The following BICC1 variants were observed in gnomAD, a reference collection of about 807,000 sequenced individuals.
BICC1 encodes protein bicaudal C homolog 1.
BICC1 carries 43 observed loss-of-function variants against 111.0 expected under a neutral mutation model. That is an observed-to-expected ratio of 0.39 (90% CI 0.30 to 0.50). The LOEUF is 0.50. BICC1 is among the 20% of genes least tolerant of loss of function. The pLI is 0.88. For synonymous variants in BICC1, 467 were observed against 434.4 expected (o/e 1.07, Z -0.93); for missense variants, 1,091 against 1,203.2 (o/e 0.91, Z 1.38).
At chr10:58,595,597 A>G (rs1046449832) in intron 1 of BICC1, among the ~76,000 whole-genome samples, 1 of 152,226 alleles carries the variant, frequency 6.6e-6, no homozygotes, top group Non-Finnish European at 1.5e-5. Flanking sequence ...AAACTGAACA[A>G]CTTGCTCCTA....
chr10:58,546,490 A>C (rs992309484), intron 1 of BICC1, among the ~76,000 whole-genome samples: 6 of 152,186 alleles, frequency 3.9e-5, no homozygotes, highest in African/African-American at 1.4e-4. Context: ...TTTATGGGCC[A>C]AGTAAAATAC....
intron 18 of BICC1, among the ~76,000 whole-genome samples, chr10:58,816,177 T>G (rs1427097311): frequency 6.6e-6 from 1 of 152,228 alleles, no homozygotes; most frequent in African/African-American, 2.4e-5. Context: ...TCAGCCACTT[T>G]GATGTAGTCA....
intron 2 of BICC1, among the ~76,000 whole-genome samples, chr10:58,640,359 G>A (rs1168785505): frequency 1.3e-5 from 2 of 152,188 alleles, no homozygotes; most frequent in Non-Finnish European, 2.9e-5. Context: ...CCTATAAACA[G>A]GTAGGGCTGT....
chr10:58,665,053 G>C (rs1290734049), intron 2 of BICC1, among the ~76,000 whole-genome samples: 2 of 152,096 alleles, frequency 1.3e-5, no homozygotes, highest in South Asian at 4.1e-4. Context: ...TGTGCCACAG[G>C]GGTCTGTGTT....
chr10:58,768,587 T>C (rs1180038627), intron 3 of BICC1, among the ~76,000 whole-genome samples: 1 of 152,138 alleles, frequency 6.6e-6, no homozygotes, highest in Non-Finnish European at 1.5e-5. Flanking sequence ...GTGTTTAAAT[T>C]CATTTTAACT....
intron 1 of BICC1, among the ~76,000 whole-genome samples, chr10:58,577,635 A>G (rs1234667900): frequency 6.6e-6 from 1 of 152,152 alleles, no homozygotes; most frequent in Non-Finnish European, 1.5e-5. Context: ...TATTTATCCA[A>G]AGGTTTTTGG....
chr10:58,542,538 T>A (rs1162729201), intron 1 of BICC1, among the ~76,000 whole-genome samples: 1 of 152,080 alleles, frequency 6.6e-6, no homozygotes, highest in African/African-American at 2.4e-5. Context: ...ACCTAAAAAC[T>A]TTTGTGCAGC....
chr10:58,664,082 T>TGGAGTGTAATTGTTGGCTCATG (rs1208123836), intron 2 of BICC1, among the ~76,000 whole-genome samples: 3 of 152,186 alleles, frequency 2.0e-5, no homozygotes, highest in Non-Finnish European at 4.4e-5. Flanking sequence ...ATGAGTGCCT[T>TGGAGTGTAATTGTTGGCTCATG]GGAGTGTAAT....
intron 2 of BICC1, among the ~76,000 whole-genome samples, chr10:58,679,923 A>G (rs1271646013): frequency 6.6e-6 from 1 of 152,214 alleles, no homozygotes; most frequent in Non-Finnish European, 1.5e-5. Context: ...TATAAACAGA[A>G]CCAATGACAA....
At chr10:58,797,099 G>T (rs2393504) in intron 10 of BICC1, among the ~76,000 whole-genome samples, 1 of 151,592 alleles carries the variant, frequency 6.6e-6, no homozygotes, top group Non-Finnish European at 1.5e-5. Context: ...AGCTTCAGTC[G>T]AGAAAGTAGA....
At chr10:58,649,999 T>G (rs7069369) in intron 2 of BICC1, 1 of 152,070 alleles carries the variant, frequency 6.6e-6, no homozygotes. Flanking sequence ...ACTACTTGAC[T>G]CACTACGTAG....
At chr10:58,707,312 G>C (rs993334250) in intron 3 of BICC1, among the ~76,000 whole-genome samples, 2 of 152,090 alleles carry the variant, frequency 1.3e-5, no homozygotes, top group Non-Finnish European at 2.9e-5. Flanking sequence ...TGTTCATAGT[G>C]AACTAGTTAG....
chr10:58,581,628 C>G (rs959542372), intron 1 of BICC1, among the ~76,000 whole-genome samples: 1 of 152,098 alleles, frequency 6.6e-6, no homozygotes, highest in African/African-American at 2.4e-5. Flanking sequence ...TCTTAGTTAA[C>G]AACATTAACG....
chr10:58,557,026 T>C lies in BICC1; in HGVS notation c.190+43693T>C, dbSNP rs534005634. 2.0e-5 allele frequency among the ~76,000 whole-genome samples: 3 copies of C among 152,202 alleles called. No individual in the cohort carries two copies. The East Asian group carries it at 5.8e-4, about 29-fold the overall frequency. On this transcript the variant is annotated intron_variant, in intron 1 of 20. Transcript: ENST00000373886. Reference sequence around the variant, plus strand: ...ACTTTGCAGATGTGATTAAGGATCTTGAGATGCAGGATTGTCCTTGATAGT... The same window carrying C: ...ACTTTGCAGATGTGATTAAGGATCTCGAGATGCAGGATTGTCCTTGATAGT...
intron 2 of BICC1, among the ~76,000 whole-genome samples, chr10:58,691,624 T>C (rs1254253118): frequency 6.6e-6 from 1 of 152,128 alleles, no homozygotes; most frequent in Non-Finnish European, 1.5e-5. Flanking sequence ...AACACAAAAC[T>C]CTAGATTTCT....
At chr10:58,557,243 G>A (rs1843475270) in intron 1 of BICC1, among the ~76,000 whole-genome samples, 1 of 151,660 alleles carries the variant, frequency 6.6e-6, no homozygotes, top group Non-Finnish European at 1.5e-5. Flanking sequence ...CATCAACATT[G>A]TCTTTGTTGC....
chr10:58,603,886 T>C (rs1845123044), intron 1 of BICC1, among the ~76,000 whole-genome samples: 1 of 152,224 alleles, frequency 6.6e-6, no homozygotes, highest in Admixed American at 6.5e-5. Flanking sequence ...AAGTAATTAA[T>C]GAGTAATTTA....
intron 3 of BICC1, among the ~76,000 whole-genome samples, chr10:58,763,309 T>C (rs1262517435): frequency 6.6e-6 from 1 of 152,212 alleles, no homozygotes; most frequent in Non-Finnish European, 1.5e-5. Flanking sequence ...TCACTGTAGC[T>C]GATAGCATGG....
Position 58,694,809 on chromosome 10 carries a change from G to T in BICC1, c.238-7265G>T, listed in dbSNP as rs535969584. Among the ~76,000 whole-genome samples the T allele has an allele frequency of 5.9e-5, 9 of 152,244 alleles. No individual in the cohort carries two copies. The South Asian group carries it at 1.9e-3, about 32-fold the overall frequency. On this transcript the variant is annotated intron_variant, in intron 2 of 20. Transcript: ENST00000373886. ...TCATTAATAAGGCAGGGAGTGTTTG[G>T]AAATAGCCACTCTGCTGCTGCTCAG...
Sources: gnomAD v4.1 joint callset for allele counts (sites outside exome capture counted in the v4.1 genomes callset) on GRCh38, gnomAD v4.1.1 for gene constraint, MANE v1.5 for transcripts, NCBI Gene and HGNC (gene_info 2026-07-23, HGNC 2026-07-21) for gene names.